The following KLHL32 variants were observed in gnomAD, a reference collection of about 807,000 sequenced individuals.
The protein encoded by KLHL32 is kelch like family member 32.
A neutral mutation model predicts 64.8 loss-of-function variants in KLHL32; 35 were observed. The observed-to-expected ratio is 0.54, with a 90% CI of 0.41 to 0.72. The LOEUF (loss-of-function observed/expected upper bound fraction) is 0.72, where lower values mean the gene tolerates loss of function less well. Ranked by LOEUF, KLHL32 falls within the 30% of genes least tolerant of loss-of-function variation. The pLI is 0.00. For synonymous variants in KLHL32, 259 were observed against 281.0 expected (o/e 0.92, Z 0.78); for missense variants, 589 against 768.5 (o/e 0.77, Z 2.76).
intron 3 of KLHL32, among the ~76,000 whole-genome samples, chr6:97,022,472 T>TTA (rs1381003750): frequency 7.2e-6 from 1 of 138,998 alleles, no homozygotes; most frequent in East Asian, 2.0e-4. Context: ...AACACCTAAT[T>TTA]TTTTTTTTTT....
Position 97,140,168 on chromosome 6 carries a change from AAT to A in KLHL32, c.*887_*888del, listed in dbSNP as rs750322025. The A allele has an allele frequency of 1.3e-5, 2 of 152,132 alleles. No homozygotes were observed. The highest frequency in any genetic ancestry group is 2.9e-5 in the Non-Finnish European group (2 of 67,984). 9.4% of individuals were successfully genotyped at this position (152,132 alleles called of 1,614,324 possible). On this transcript the variant is annotated 3_prime_UTR_variant, in exon 11 of 11. Transcript: ENST00000369261. ...TAAAAAGCATGTGAAAGAGACACACAATGAGGAAATAGGGAGTTTCTCAAAAT... is the reference window on the plus strand; with the variant it reads ...TAAAAAGCATGTGAAAGAGACACACAGAGGAAATAGGGAGTTTCTCAAAAT...
intron 4 of KLHL32, among the ~76,000 whole-genome samples, chr6:97,053,453 T>C (rs1450326632): frequency 6.6e-6 from 1 of 152,114 alleles, no homozygotes; most frequent in African/African-American, 2.4e-5. Context: ...ATAAGGATAC[T>C]GCAAATTCTA....
chr6:96,898,673 G>A, the KLHL32 span, among the ~76,000 whole-genome samples: 2 of 151,770 alleles, frequency 1.3e-5, no homozygotes, highest in African/African-American at 4.8e-5. Flanking sequence ...TTTAATGAAA[G>A]GAACAGACAA....
chr6:96,903,120 C>CA, the KLHL32 span, among the ~76,000 whole-genome samples: 418 of 146,318 alleles, frequency 2.9e-3, no homozygotes, highest in South Asian at 9.1e-3. Flanking sequence ...AAACAAACAA[C>CA]AAAAAAAAAC....
At chr6:96,997,594 T>A (rs1211825546) in intron 3 of KLHL32, among the ~76,000 whole-genome samples, 2 of 150,680 alleles carry the variant, frequency 1.3e-5, no homozygotes, top group African/African-American at 4.9e-5. Flanking sequence ...TAAAAAAAAA[T>A]TAGCTGGGTG....
intron 3 of KLHL32, chr6:97,024,852 G>A (rs1379955051): frequency 3.8e-6 from 1 of 259,804 alleles, no homozygotes; most frequent in Admixed American, 6.5e-5. Context: ...ATTGTGCTAA[G>A]CCCCTTTATA....
At chr6:96,927,200 G>T (rs1169080778) in intron 1 of KLHL32, among the ~76,000 whole-genome samples, 1 of 152,132 alleles carries the variant, frequency 6.6e-6, no homozygotes, top group Non-Finnish European at 1.5e-5. Flanking sequence ...TATGTTCCTG[G>T]CTTAATGTTT....
intron 3 of KLHL32, among the ~76,000 whole-genome samples, chr6:96,982,814 T>A (rs1157358751): frequency 6.6e-6 from 1 of 152,280 alleles, no homozygotes; most frequent in East Asian, 1.9e-4. Context: ...TATACAATCA[T>A]GTCATCTGCA....
At chr6:97,063,719 G>T (rs1253843643) in intron 4 of KLHL32, among the ~76,000 whole-genome samples, 2 of 152,170 alleles carry the variant, frequency 1.3e-5, no homozygotes, top group African/African-American at 4.8e-5. Flanking sequence ...TGTCTGGGAG[G>T]CTCCCAAGAG....
At chr6:96,996,364 T>C (rs1237513425) in intron 3 of KLHL32, among the ~76,000 whole-genome samples, 1 of 152,208 alleles carries the variant, frequency 6.6e-6, no homozygotes, top group Non-Finnish European at 1.5e-5. Flanking sequence ...GAAAAGGGCA[T>C]AAATCCCATG....
chr6:97,045,350 C>G (rs1785763400), intron 4 of KLHL32, among the ~76,000 whole-genome samples: 1 of 152,178 alleles, frequency 6.6e-6, no homozygotes, highest in South Asian at 2.1e-4. Context: ...GATACCATCT[C>G]TAAATTCTGT....
At chr6:97,101,956 G>T (rs1426081738) in intron 6 of KLHL32, among the ~76,000 whole-genome samples, 1 of 152,140 alleles carries the variant, frequency 6.6e-6, no homozygotes, top group East Asian at 1.9e-4. Context: ...TCTCTTGGAG[G>T]CATATTGCCA....
the KLHL32 span, among the ~76,000 whole-genome samples, chr6:96,902,934 T>C: frequency 6.6e-6 from 1 of 152,224 alleles, no homozygotes; most frequent in Non-Finnish European, 1.5e-5. Context: ...CTCTTTTCTG[T>C]TCCATTGGCC....
intron 9 of KLHL32, among the ~76,000 whole-genome samples, chr6:97,132,406 T>A (rs1322937686): frequency 6.6e-6 from 1 of 152,226 alleles, no homozygotes; most frequent in Non-Finnish European, 1.5e-5. Context: ...CTGTATTTAA[T>A]GCTGTACTTA....
chr6:96,965,440 G>A (rs1013060960), intron 1 of KLHL32, among the ~76,000 whole-genome samples: 3 of 152,136 alleles, frequency 2.0e-5, no homozygotes, highest in Admixed American at 2.0e-4. Context: ...TTGAAATGAA[G>A]CATATCAAGT....
intron 1 of KLHL32, among the ~76,000 whole-genome samples, chr6:96,966,084 A>G (rs538616657): frequency 6.6e-6 from 1 of 152,328 alleles, no homozygotes; most frequent in African/African-American, 2.4e-5. Context: ...ATCATCAGAA[A>G]TAGGCACAGC....
At chr6:97,107,694 T>G (rs1054569712) in intron 6 of KLHL32, among the ~76,000 whole-genome samples, 3 of 152,118 alleles carry the variant, frequency 2.0e-5, no homozygotes, top group Non-Finnish European at 4.4e-5. Flanking sequence ...TATGCTGCAG[T>G]GTGGAGCCTT....
the KLHL32 span, among the ~76,000 whole-genome samples, chr6:96,904,337 G>T: frequency 2.1e-3 from 60 of 29,086 alleles, no homozygotes; most frequent in African/African-American, 0.011. Context: ...GCAAGACTTT[G>T]TCAAAAAAAA....
chr6:97,001,820 T>G (rs887103313), intron 3 of KLHL32, among the ~76,000 whole-genome samples: 2 of 152,202 alleles, frequency 1.3e-5, no homozygotes, highest in African/African-American at 4.8e-5. Flanking sequence ...AGTAGCACTC[T>G]GAAGATGATC....
Sources: allele counts gnomAD v4.1 joint callset (sites outside exome capture counted in the v4.1 genomes callset), GRCh38; gene constraint gnomAD v4.1.1; transcripts MANE v1.5; gene names NCBI Gene and HGNC (gene_info 2026-07-23, HGNC 2026-07-21).